The following KCNH8 variants were observed in gnomAD, a reference collection of about 807,000 sequenced individuals.
KCNH8 encodes the protein voltage-gated delayed rectifier potassium channel KCNH8.
A neutral mutation model predicts 103.6 loss-of-function variants in KCNH8; 70 were observed. That is an observed-to-expected ratio of 0.68 (90% CI 0.56 to 0.82). The LOEUF (loss-of-function observed/expected upper bound fraction) is 0.82. Ranked by LOEUF, KCNH8 falls within the 40% of genes least tolerant of loss-of-function variation. The probability of loss-of-function intolerance (pLI) is 0.00; values close to 1 mark genes in which losing one functional copy is unlikely to be tolerated. For missense variants in KCNH8, 1,217 were observed against 1,329.9 expected (o/e 0.92, Z 1.32); for synonymous variants, 498 against 489.4 (o/e 1.02, Z -0.23).
chr3:19,334,233 C>T (rs2065551160), intron 3 of KCNH8, among the ~76,000 whole-genome samples: 4 of 152,158 alleles, frequency 2.6e-5, no homozygotes, highest in South Asian at 4.1e-4. Flanking sequence ...CAGGTACACT[C>T]GCAGCAGCTA....
intron 6 of KCNH8, among the ~76,000 whole-genome samples, chr3:19,394,135 C>T (rs2066478985): frequency 1.3e-5 from 2 of 151,986 alleles, no homozygotes; most frequent in Non-Finnish European, 2.9e-5. Context: ...CATAAAGTTA[C>T]TCCTTCTCTA....
intron 1 of KCNH8, among the ~76,000 whole-genome samples, chr3:19,245,128 T>G (rs2064187812): frequency 6.6e-6 from 1 of 152,182 alleles, no homozygotes; most frequent in Non-Finnish European, 1.5e-5. Flanking sequence ...TGAGTTAACT[T>G]TTGTATATGG....
At chr3:19,469,703 G>A (rs1430884287) in intron 11 of KCNH8, among the ~76,000 whole-genome samples, 2 of 152,102 alleles carry the variant, frequency 1.3e-5, no homozygotes, top group South Asian at 2.1e-4. Context: ...GTTTTGATTA[G>A]CATCTCCCGA....
At chr3:19,316,393 AC>A (rs1231102760) in intron 3 of KCNH8, among the ~76,000 whole-genome samples, 1 of 152,008 alleles carries the variant, frequency 6.6e-6, no homozygotes, top group East Asian at 1.9e-4. Context: ...CTGGTATACA[AC>A]AACCAGGCCA....
chr3:19,421,641 C>CT (rs999189042), intron 7 of KCNH8, among the ~76,000 whole-genome samples: 3 of 151,542 alleles, frequency 2.0e-5, no homozygotes, highest in African/African-American at 7.3e-5. Flanking sequence ...ATACACTGAG[C>CT]TTTTTTTTAG....
chr3:19,298,696 G>T (rs974825744), intron 3 of KCNH8, among the ~76,000 whole-genome samples: 15 of 152,078 alleles, frequency 9.9e-5, no homozygotes, highest in Non-Finnish European at 4.4e-5. Flanking sequence ...TCCGAGGCGG[G>T]CGGATCACGA....
At chr3:19,488,498 T>C (rs2068257269) in intron 11 of KCNH8, among the ~76,000 whole-genome samples, 1 of 152,264 alleles carries the variant, frequency 6.6e-6, no homozygotes, top group African/African-American at 2.4e-5. Context: ...TAAGGCCATG[T>C]TAATCATGTG....
chr3:19,215,299 A>T (rs534405999), intron 1 of KCNH8, among the ~76,000 whole-genome samples: 2 of 152,334 alleles, frequency 1.3e-5, no homozygotes, highest in South Asian at 2.1e-4. Context: ...AGTGGGGGCC[A>T]TAACAGTTTA....
chr3:19,205,041 T>C (rs112272639), intron 1 of KCNH8, among the ~76,000 whole-genome samples: 2,981 of 151,956 alleles, frequency 0.02, 94 homozygotes, highest in African/African-American at 0.066. Flanking sequence ...AAGAATACAG[T>C]GTTTATGCTG....
intron 5 of KCNH8, among the ~76,000 whole-genome samples, chr3:19,370,348 G>A (rs1403339604): frequency 6.6e-6 from 1 of 151,988 alleles, no homozygotes; most frequent in East Asian, 1.9e-4. Context: ...CATAAATACT[G>A]GTTGAGTAAA....
intron 11 of KCNH8, among the ~76,000 whole-genome samples, chr3:19,489,602 T>A (rs1376449238): frequency 6.6e-6 from 1 of 152,104 alleles, no homozygotes; most frequent in African/African-American, 2.4e-5. Context: ...CTTGGTGTCA[T>A]AACTCCATAG....
intron 11 of KCNH8, among the ~76,000 whole-genome samples, chr3:19,500,105 A>C (rs1363338234): frequency 1.3e-5 from 2 of 152,232 alleles, no homozygotes; most frequent in African/African-American, 2.4e-5. Flanking sequence ...TCTACTAAGC[A>C]AATGGAAAAC....
intron 1 of KCNH8, among the ~76,000 whole-genome samples, chr3:19,250,262 A>G (rs2064259273): frequency 6.6e-6 from 1 of 152,158 alleles, no homozygotes; most frequent in Admixed American, 6.6e-5. Flanking sequence ...AAGAAAAAAA[A>G]ATAGAAAAGA....
At chr3:19,512,175 G>C (rs2068794287) in intron 12 of KCNH8, among the ~76,000 whole-genome samples, 1 of 152,176 alleles carries the variant, frequency 6.6e-6, no homozygotes, top group Admixed American at 6.5e-5. Context: ...ACTCTGTTGA[G>C]GGCCACTAGT....
At chr3:19,264,570 C>T (rs1315769153) in intron 2 of KCNH8, among the ~76,000 whole-genome samples, 1 of 152,070 alleles carries the variant, frequency 6.6e-6, no homozygotes, top group Non-Finnish European at 1.5e-5. Flanking sequence ...GTGCATTCAT[C>T]AGAAACTGCT....
intron 1 of KCNH8, among the ~76,000 whole-genome samples, chr3:19,168,906 A>C (rs928466454): frequency 6.6e-6 from 1 of 152,156 alleles, no homozygotes; most frequent in Non-Finnish European, 1.5e-5. Flanking sequence ...TTTTCAAACT[A>C]TCCTTCAGCA....
rs565618762 is a variant in KCNH8, at chr3:19,463,363, TAG to T, written c.2040+6384_2040+6385del. Among the ~76,000 whole-genome samples, 489 of 152,166 alleles carry T rather than the reference TAG, an allele frequency of 3.2e-3. 5 individuals are homozygous for T. The highest frequency in any genetic ancestry group is 0.01 in the African/African-American group (436 of 41,542). On this transcript the variant is annotated intron_variant, in intron 11 of 15. Transcript: ENST00000328405. ...ATACTAGTAGTATGCATAAAGTTAA[TAG>T]AGGACAAAATGGAAGAATATATCCA...
intron 7 of KCNH8, among the ~76,000 whole-genome samples, chr3:19,422,378 G>A (rs557700494): frequency 1.3e-5 from 2 of 152,136 alleles, no homozygotes; most frequent in South Asian, 4.1e-4. Flanking sequence ...AGTAATAGAA[G>A]ACTGCAGAAA....
intron 1 of KCNH8, among the ~76,000 whole-genome samples, chr3:19,238,374 T>C (rs2064091736): frequency 6.6e-6 from 1 of 152,152 alleles, no homozygotes; most frequent in Non-Finnish European, 1.5e-5. Context: ...AATGGTATAA[T>C]TTCCCTGTCT....
Sources: gnomAD v4.1 joint callset for allele counts (sites outside exome capture counted in the v4.1 genomes callset) on GRCh38, gnomAD v4.1.1 for gene constraint, MANE v1.5 for transcripts, NCBI Gene and HGNC (gene_info 2026-07-23, HGNC 2026-07-21) for gene names.